PPWD1: variants seen among roughly 807,000 people sequenced by gnomAD.
The protein encoded by PPWD1 is peptidylprolyl isomerase domain and WD repeat containing 1.
PPWD1 carries 43 observed loss-of-function variants against 68.8 expected under a neutral mutation model. The observed-to-expected ratio is 0.62, with a 90% CI of 0.49 to 0.81. The LOEUF (loss-of-function observed/expected upper bound fraction) is 0.81, where lower values mean the gene tolerates loss of function less well. Among genes scored for constraint, PPWD1 ranks in the 30% least tolerant of loss-of-function variants. PPWD1 has a pLI of 0.00. For missense variants in PPWD1, 672 were observed against 804.8 expected (o/e 0.83, Z 2.00); for synonymous variants, 232 against 258.7 (o/e 0.90, Z 0.99).
chr5:65,567,912 G>A, intron 2 of PPWD1: 2 of 251,990 alleles, frequency 7.9e-6, no homozygotes, highest in Non-Finnish European at 1.4e-5. Flanking sequence ...ATGAGTAACT[G>A]GTACCTGGCC....
intron 1 of PPWD1, among the ~76,000 whole-genome samples, chr5:65,564,216 T>C (rs1435303254): frequency 6.6e-6 from 1 of 152,258 alleles, no homozygotes; most frequent in Non-Finnish European, 1.5e-5. Context: ...TGTGAAATGT[T>C]TTCCTTAAGT....
intron 7 of PPWD1, among the ~76,000 whole-genome samples, chr5:65,581,562 G>C (rs1207027674): frequency 6.6e-6 from 1 of 152,142 alleles, no homozygotes; most frequent in Non-Finnish European, 1.5e-5. Flanking sequence ...CTTCAGCCTA[G>C]GTGACAGAGC....
In PPWD1 at chr5:65,572,175, A is replaced by G. The variant is rs1409342194; in HGVS notation, c.858A>G (p.Val286=). 5 of 1,613,976 alleles carry G rather than the reference A, an allele frequency of 3.1e-6. No homozygotes were observed. The highest frequency in any genetic ancestry group is 4.2e-6 in the Non-Finnish European group (5 of 1,179,838). Residue 286 remains valine, a synonymous_variant, in exon 5 of 11, where the codon GTA becomes GTG. Transcript: ENST00000261308. ...FAKCKAYPTS[V]CFSPDGKKIA... is the part of the protein sequence containing the mutation. ...AGTGTAAGGCTTATCCAACCAGCGT[A>G]TGTTTTTCACCAGATGGGAAGAAAA...
intron 5 of PPWD1, 188 bp from the exon 6 acceptor site, chr5:65,576,691 A>T: frequency 1.2e-6 from 1 of 839,646 alleles, no homozygotes; most frequent in Non-Finnish European, 1.4e-6. Context: ...ACTATTTTTT[A>T]GTGATTGGAC....
chr5:65,565,738 G>T (rs1038178300), intron 1 of PPWD1, among the ~76,000 whole-genome samples: 2 of 149,436 alleles, frequency 1.3e-5, no homozygotes, highest in African/African-American at 4.9e-5. Context: ...AACCCAGGAG[G>T]CAGAGGTTGC....
At chr5:65,587,159 C>T (rs1753884542) in intron 10 of PPWD1, 94 bp from the exon 11 acceptor site, 4 of 1,316,580 alleles carry the variant, frequency 3.0e-6, no homozygotes, top group African/African-American at 1.5e-5. Flanking sequence ...TAAAGGGGAG[C>T]GTAAACTTAA....
In PPWD1 at chr5:65,572,252, G is replaced by GA. The variant is rs1479334932; in HGVS notation, c.939dup (p.Leu314ThrfsTer6). ...GTTAGAATTTTCAGATTTGTAACTGGAAAACTCATGAGAGTCTTTGATGAA... is the reference window on the plus strand; with the variant it reads ...GTTAGAATTTTCAGATTTGTAACTGGAAAAACTCATGAGAGTCTTTGATGAA... On this transcript the variant is annotated frameshift_variant, in exon 5 of 11. Transcript: ENST00000261308. LOFTEE classifies it high-confidence loss of function. 1 of 1,611,132 alleles carries GA rather than the reference G, an allele frequency of 6.2e-7. No individual in the cohort carries two copies. The highest frequency in any genetic ancestry group is 1.3e-5 in the African/African-American group (1 of 74,822).
At position 65,578,235 on chromosome 5, in the gene PPWD1, T is replaced by G. The variant is rs1017142038; in HGVS notation, c.1160+1166T>G. On this transcript the variant is annotated intron_variant, in intron 6 of 10. Coordinates refer to ENST00000261308, the MANE Select transcript of PPWD1 (RefSeq NM_015342.4). ...GTCTGGATGTACCACAGTTGATCCA[T>G]TCACGTACTGAAAGACATCTTGGTT... Among the ~76,000 whole-genome samples the G allele has an allele frequency of 2.6e-5, 4 of 152,342 alleles. No individual in the cohort carries two copies. The East Asian group carries it at 7.7e-4, about 29-fold the overall frequency.
chr5:65,578,806 G>GTA (rs1170799727), intron 6 of PPWD1, among the ~76,000 whole-genome samples: 6 of 96,946 alleles, frequency 6.2e-5, no homozygotes, highest in Admixed American at 4.7e-4. Context: ...ACATATATAT[G>GTA]TGTATATATA....
chr5:65,582,664 A>G (rs1753645239), intron 7 of PPWD1: 1 of 157,636 alleles, frequency 6.3e-6, no homozygotes, highest in Non-Finnish European at 1.4e-5. Context: ...TTCAAATCCA[A>G]ACAATCTAAA....
intron 9 of PPWD1, 126 bp downstream of exon 9, chr5:65,585,221 C>A: frequency 1.1e-6 from 1 of 901,288 alleles, no homozygotes; most frequent in Non-Finnish European, 1.7e-6. Context: ...GAAAAATACA[C>A]TATGGAAGCC....
At chr5:65,581,737 G>T (rs1753609346) in intron 7 of PPWD1, among the ~76,000 whole-genome samples, 1 of 151,978 alleles carries the variant, frequency 6.6e-6, no homozygotes, top group African/African-American at 2.4e-5. Context: ...TATAAAGTTT[G>T]AAAAAATAGA....
chr5:65,573,779 A>G lies in PPWD1; in HGVS notation c.969+1493A>G, dbSNP rs567956702. 2.0e-5 allele frequency among the ~76,000 whole-genome samples: 3 copies of G among 151,826 alleles called. No individual in the cohort carries two copies. The South Asian group carries it at 6.2e-4, about 32-fold the overall frequency. On this transcript the variant is annotated intron_variant, in intron 5 of 10. Transcript: ENST00000261308. Reference sequence around the variant, plus strand: ...TATCACCTCCAGTAGACTAAGCCCTATGTGATCTGTTTTAACTTATGATTC... The same window carrying G: ...TATCACCTCCAGTAGACTAAGCCCTGTGTGATCTGTTTTAACTTATGATTC...
chr5:65,573,481 T>TATATATATATATATATATATATATATAA (rs1304267719), intron 5 of PPWD1, among the ~76,000 whole-genome samples: 66 of 93,414 alleles, frequency 7.1e-4, no homozygotes, highest in African/African-American at 2.5e-3. Flanking sequence ...ATATATTTTT[T>TATATATATATATATATATATATATATAA]TTTTATTAGA....
At chr5:65,579,264 A>C in intron 6 of PPWD1, 160 bp from the exon 7 acceptor site, 1 of 1,184,612 alleles carries the variant, frequency 8.4e-7, no homozygotes, top group Non-Finnish European at 1.1e-6. Flanking sequence ...ACCAGTTTAA[A>C]TTGATACCTT....
intron 2 of PPWD1, chr5:65,569,308 ACTGT>A: frequency 3.6e-6 from 1 of 280,788 alleles, no homozygotes; most frequent in Non-Finnish European, 6.9e-6. Flanking sequence ...TTGTGAAAAG[ACTGT>A]CTGTAGGGTA....
intron 5 of PPWD1, 112 bp from the exon 6 acceptor site, chr5:65,576,766 TA>T: frequency 7.0e-7 from 1 of 1,426,128 alleles, no homozygotes; most frequent in Non-Finnish European, 9.3e-7. Flanking sequence ...TAGTGGCTCT[TA>T]ATATGTATTC....
At chr5:65,569,444 T>C in intron 2 of PPWD1, 188 bp from the exon 3 acceptor site, 2 of 463,446 alleles carry the variant, frequency 4.3e-6, no homozygotes, top group Non-Finnish European at 7.1e-6. Flanking sequence ...TGTAACTGTT[T>C]TGACATCCAG....
At chr5:65,567,656 T>TAA in intron 2 of PPWD1, 41 bp downstream of exon 2, 4 of 1,452,484 alleles carry the variant, frequency 2.8e-6, no homozygotes, top group Non-Finnish European at 2.7e-6. Flanking sequence ...CTGAGTTTAT[T>TAA]TAAAAAAAAA....
Sources: gnomAD v4.1 joint callset for allele counts (sites outside exome capture counted in the v4.1 genomes callset) on GRCh38, gnomAD v4.1.1 for gene constraint, MANE v1.5 for transcripts, NCBI Gene and HGNC (gene_info 2026-07-23, HGNC 2026-07-21) for gene names.